The following ABCA4 variants were observed in gnomAD, a reference collection of about 807,000 sequenced individuals.
ABCA4 encodes ATP binding cassette subfamily A member 4, also known as retinal-specific phospholipid-transporting ATPase ABCA4.
In ABCA4, 196 loss-of-function variants were observed where a neutral mutation model predicts 263.7. The observed-to-expected ratio is 0.74, with a 90% CI of 0.66 to 0.84. ABCA4 has a LOEUF of 0.84. ABCA4 is among the 40% of genes least tolerant of loss of function. The pLI, the probability that ABCA4 is intolerant of heterozygous loss-of-function variation, is 0.00. For synonymous variants in ABCA4, 1,133 were observed against 1,094.2 expected, an observed-to-expected ratio of 1.04 and a Z score of -0.70; for missense variants, 2,792 against 2,855.1, an observed-to-expected ratio of 0.98 and a Z score of 0.50.
Position 94,056,093 on chromosome 1 carries a change from C to A in ABCA4, c.2382+508G>T, listed in dbSNP as rs1236488997. On this transcript the variant is annotated intron_variant, in intron 15 of 49. Transcript: ENST00000370225. ...CGGGAGTCCTCTCCTGGCCAGCGAG[C>A]CTGACTCTGTGGACAGTCTCATTTC... Among the ~76,000 whole-genome samples the A allele has an allele frequency of 2.0e-5, 3 of 152,254 alleles. No homozygotes were observed. The East Asian group carries it at 5.8e-4, about 29-fold the overall frequency.
rs61749432 is a variant in ABCA4, at chr1:94,055,308, A to G, written c.2390T>C (p.Leu797Pro). 1 of 1,614,066 alleles carries G rather than the reference A, an allele frequency of 6.2e-7. No homozygotes were observed. Among genetic ancestry groups the G allele is most frequent in the Non-Finnish European group, 8.5e-7 (1 of 1,180,000 alleles). The stretch of plus-strand genomic sequence containing the variant: ...GCCAAATCCAAATGCCACCGGAGAC[A>G]GTAAGCTCTGCAGTGAGGCGGAGAG... ...TAELKKAVSL[L>P]SPVAFGFGTE... The change falls in exon 16 of 50, where the codon CTG becomes CCG. Residue 797 changes from leucine (L) to proline (P), a missense_variant. By Grantham distance (98) the Leu-to-Pro change is moderately conservative (BLOSUM62 -3). Coordinates refer to ENST00000370225, the MANE Select transcript of ABCA4 (RefSeq NM_000350.3).
At chr1:93,995,771 C>T (rs900956598) in intron 49 of ABCA4, among the ~76,000 whole-genome samples, 1 of 152,238 alleles carries the variant, frequency 6.6e-6, no homozygotes, top group Non-Finnish European at 1.5e-5. Flanking sequence ...ACCTTCTCTG[C>T]TCCTTATTCC....
At chr1:94,066,985 T>C (rs1661283994) in intron 11 of ABCA4, among the ~76,000 whole-genome samples, 1 of 152,224 alleles carries the variant, frequency 6.6e-6, no homozygotes, top group Non-Finnish European at 1.5e-5. Context: ...GTTACTGTAT[T>C]GGCCAGCACA....
intron 9 of ABCA4, 43 bp downstream of exon 9, chr1:94,079,279 G>T (rs779767257): frequency 6.2e-7 from 1 of 1,604,644 alleles, no homozygotes; most frequent in South Asian, 1.1e-5. Flanking sequence ...ACACACTTCT[G>T]GGAGGTCCAG....
At chr1:94,000,743 G>A in intron 47 of ABCA4, 93 bp downstream of exon 47, 1 of 1,347,190 alleles carries the variant, frequency 7.4e-7, no homozygotes, top group Non-Finnish European at 1.1e-6. Flanking sequence ...GGGGATGACG[G>A]AGCAGCAGGA....
chr1:94,060,406 AG>A lies in ABCA4; in HGVS notation c.2160+130del. 6 of 861,262 alleles carry A rather than the reference AG, an allele frequency of 7.0e-6. No homozygotes were observed. The South Asian group carries it at 8.5e-5, about 12-fold the overall frequency. 53.4% of individuals were successfully genotyped at this position (861,262 alleles called of 1,614,324 possible). The stretch of plus-strand genomic sequence containing the variant: ...TTGAGTGTCTCCCACGTTGGCTAAA[AG>A]GAAGGGCTGGGAAGCTAGATGTCAC... On this transcript the variant is annotated intron_variant, in intron 14 of 49. Coordinates refer to ENST00000370225, the MANE Select transcript of ABCA4 (RefSeq NM_000350.3).
intron 6 of ABCA4, among the ~76,000 whole-genome samples, chr1:94,086,262 C>T (rs1010691765): frequency 6.6e-6 from 1 of 152,136 alleles, no homozygotes; most frequent in African/African-American, 2.4e-5. Context: ...TTTGTATCAC[C>T]AAGCTTTTTA....
At chr1:94,027,569 G>A (rs1429649074) in intron 30 of ABCA4, among the ~76,000 whole-genome samples, 1 of 152,182 alleles carries the variant, frequency 6.6e-6, no homozygotes, top group Non-Finnish European at 1.5e-5. Flanking sequence ...GATTCAAAGA[G>A]AGAAAATATT....
chr1:94,024,355 T>C (rs1317869733), intron 31 of ABCA4, among the ~76,000 whole-genome samples: 1 of 152,158 alleles, frequency 6.6e-6, no homozygotes, highest in Non-Finnish European at 1.5e-5. Context: ...TAAGAACAGC[T>C]GGAGAGCCAA....
At chr1:94,029,401 T>C (rs1450390663) in intron 30 of ABCA4, 44 bp downstream of exon 30, 3 of 1,493,972 alleles carry the variant, frequency 2.0e-6, no homozygotes, top group Admixed American at 4.1e-5. Flanking sequence ...CTAGTCCCTC[T>C]GTGGCAGGCA....
In ABCA4 at chr1:94,001,880, C is replaced by G. The variant is rs769480667; in HGVS notation, c.6260G>C (p.Gly2087Ala). The change falls in exon 45 of 50, where the codon GGC (glycine) becomes GCC (alanine). Residue 2087 changes from glycine to alanine, a missense_variant. By Grantham distance (60) the Gly-to-Ala change is moderately conservative (BLOSUM62 0). Transcript: ENST00000370225. ...RKLSTAIALI[G>A]CPPLVLLDEP... ...TACCAGCAGCACCAGCGGTGGGCAGCCAATGAGTGCGATGGCTGTGGAGAG... is the reference window on the plus strand; with the variant it reads ...TACCAGCAGCACCAGCGGTGGGCAGGCAATGAGTGCGATGGCTGTGGAGAG... 1.2e-6 allele frequency: 2 copies of G among 1,614,242 alleles called. No individual in the cohort carries two copies. Among genetic ancestry groups the G allele is most frequent in the South Asian group, 2.2e-5 (2 of 91,088 alleles).
chr1:94,015,241 TG>T (rs1452745087), intron 37 of ABCA4, among the ~76,000 whole-genome samples: 1 of 152,062 alleles, frequency 6.6e-6, no homozygotes, highest in Non-Finnish European at 1.5e-5. Context: ...TTTACACACG[TG>T]GGAAAGAAAG....
intron 5 of ABCA4, among the ~76,000 whole-genome samples, chr1:94,102,174 G>A (rs962862913): frequency 6.6e-6 from 1 of 152,200 alleles, no homozygotes; most frequent in Non-Finnish European, 1.5e-5. Flanking sequence ...TCGTGAGTTA[G>A]TGGTAAGAAT....
At chr1:94,109,895 C>G (rs1662555968) in intron 3 of ABCA4, among the ~76,000 whole-genome samples, 1 of 152,170 alleles carries the variant, frequency 6.6e-6, no homozygotes, top group Non-Finnish European at 1.5e-5. Flanking sequence ...AAACATGAAA[C>G]CCAACTTTCC....
chr1:94,064,887 G>A (rs1171497057), intron 11 of ABCA4, among the ~76,000 whole-genome samples: 4 of 152,082 alleles, frequency 2.6e-5, no homozygotes, highest in African/African-American at 9.7e-5. Context: ...AGGGTTTTGA[G>A]CTGGGATATC....
At chr1:94,060,928 T>C (rs1475602816) in intron 13 of ABCA4, among the ~76,000 whole-genome samples, 169 bp from the exon 14 acceptor site, 2 of 152,362 alleles carry the variant, frequency 1.3e-5, no homozygotes, top group South Asian at 2.1e-4. Flanking sequence ...ACACATTCCA[T>C]GTTAGCCCTG....
chr1:94,120,296 G>T (rs563708564), intron 1 of ABCA4, among the ~76,000 whole-genome samples: 1 of 152,152 alleles, frequency 6.6e-6, no homozygotes, highest in Non-Finnish European at 1.5e-5. Flanking sequence ...TCTGTGTCGT[G>T]CTTTTAGGGC....
chr1:94,091,961 G>C (rs563678948), intron 6 of ABCA4, among the ~76,000 whole-genome samples: 1 of 152,192 alleles, frequency 6.6e-6, no homozygotes, highest in Admixed American at 6.5e-5. Context: ...GAACAGACAT[G>C]TTTATCACCT....
chr1:94,008,611 C>T, intron 41 of ABCA4, 140 bp downstream of exon 41: 1 of 1,196,730 alleles, frequency 8.4e-7, no homozygotes, highest in Non-Finnish European at 1.2e-6. Flanking sequence ...CGAGTTATAA[C>T]ACAGGGATGA....
Sources: gnomAD v4.1 joint callset for allele counts (sites outside exome capture counted in the v4.1 genomes callset) on GRCh38, gnomAD v4.1.1 for gene constraint, MANE v1.5 for transcripts, NCBI Gene and HGNC (gene_info 2026-07-23, HGNC 2026-07-21) for gene names.